The following MAP3K21 variants were observed in gnomAD, a reference collection of about 807,000 sequenced individuals.
The protein encoded by MAP3K21 is mitogen-activated protein kinase kinase kinase MLK4.
A neutral mutation model predicts 86.1 loss-of-function variants in MAP3K21; 63 were observed. The ratio of observed to expected loss-of-function variants is 0.73; its 90% CI spans 0.60 to 0.90. The LOEUF is 0.90. Among genes scored for constraint, MAP3K21 ranks in the 40% least tolerant of loss-of-function variants. The probability of loss-of-function intolerance (pLI) is 0.00; values close to 1 mark genes in which losing one functional copy is unlikely to be tolerated. For synonymous variants in MAP3K21, 558 were observed against 564.8 expected, an observed-to-expected ratio of 0.99 and a Z score of 0.17; for missense variants, 1,220 against 1,367.7, an observed-to-expected ratio of 0.89 and a Z score of 1.70.
At chr1:233,339,289 T>C (rs1278386534) in intron 1 of MAP3K21, among the ~76,000 whole-genome samples, 7 of 107,522 alleles carry the variant, frequency 6.5e-5, no homozygotes, top group East Asian at 3.6e-4. Flanking sequence ...CTTCTTCTTC[T>C]TCCTCTTCTT....
chr1:233,355,839 A>T (rs1313992559), intron 4 of MAP3K21, among the ~76,000 whole-genome samples: 1 of 152,054 alleles, frequency 6.6e-6, no homozygotes, highest in Admixed American at 6.6e-5. Flanking sequence ...CTGCTGGACC[A>T]TCCTTACTGG....
intron 1 of MAP3K21, among the ~76,000 whole-genome samples, chr1:233,332,821 T>A (rs1016202684): frequency 7.2e-6 from 1 of 138,166 alleles, no homozygotes; most frequent in Non-Finnish European, 1.5e-5. Context: ...TTTTTTGATG[T>A]TGCTTATTGT....
At position 233,372,155 on chromosome 1, in the gene MAP3K21, TAC is replaced by T; in HGVS notation, c.1672_1673del (p.Gln558ValfsTer5). 6.2e-7 allele frequency: 1 copy of T among 1,614,106 alleles called. No homozygotes were observed. Among genetic ancestry groups the T allele is most frequent in the Non-Finnish European group, 8.5e-7 (1 of 1,179,996 alleles). ...ACAATGATGCCCCGACTCCGAGCCA[TAC>T]AGTGTGAGCTTTCTGCACTGCCACG... On this transcript the variant is annotated frameshift_variant, in exon 6 of 10. Coordinates refer to ENST00000366624, the MANE Select transcript of MAP3K21 (RefSeq NM_032435.3). LOFTEE classifies it high-confidence loss of function.
Position 233,362,120 on chromosome 1 carries a change from T to C in MAP3K21, c.1379T>C (p.Leu460Pro), listed in dbSNP as rs1369982833. The stretch of plus-strand genomic sequence containing the variant: ...CAGCAGAAGTCTCAGGAGGAGCTGC[T>C]AAAGCGGCGTGAGCAGCAGCTGGCA... ...ALQQKSQEEL[L>P]KRREQQLAER... Residue 460 changes from leucine to proline, a missense_variant, in exon 5 of 10, where the codon CTA becomes CCA. Leu to Pro is a moderately conservative substitution (Grantham distance 98). This residue lies in a region of MAP3K21 where 126 missense variants were observed against 127.7 expected (regional missense o/e 0.99). Transcript: ENST00000366624. The C allele has an allele frequency of 6.2e-7, 1 of 1,614,042 alleles. No individual in the cohort carries two copies. Among genetic ancestry groups the C allele is most frequent in the East Asian group, 2.2e-5 (1 of 44,872 alleles).
Position 233,376,067 on chromosome 1 carries a change from G to T in MAP3K21, c.1826+1G>T. 1 of 1,599,524 alleles carries T rather than the reference G, an allele frequency of 6.3e-7. No individual in the cohort carries two copies. The highest frequency in any genetic ancestry group is 8.5e-7 in the Non-Finnish European group (1 of 1,176,478). On this transcript the variant is annotated splice_donor_variant, in intron 7 of 9. Coordinates refer to ENST00000366624, the MANE Select transcript of MAP3K21 (RefSeq NM_032435.3). LOFTEE classifies it high-confidence loss of function. ...AAGATAGAACAGATTGCAAAGAAAG[G>T]TACGTGTGTGGTATCTGGTGGTATT...
intron 1 of MAP3K21, among the ~76,000 whole-genome samples, chr1:233,330,596 G>A (rs935771941): frequency 1.3e-5 from 2 of 152,152 alleles, no homozygotes; most frequent in Non-Finnish European, 2.9e-5. Flanking sequence ...GACATCAACA[G>A]CACCATTCAT....
At chr1:233,340,516 C>T (rs1388894569) in intron 1 of MAP3K21, among the ~76,000 whole-genome samples, 1 of 151,340 alleles carries the variant, frequency 6.6e-6, no homozygotes, top group Non-Finnish European at 1.5e-5. Context: ...TGAGAAGGGA[C>T]GGAGGCCAAA....
In MAP3K21 at chr1:233,382,839, T is replaced by TA; in HGVS notation, c.*129dup. On this transcript the variant is annotated 3_prime_UTR_variant, in exon 10 of 10. Transcript: ENST00000366624. ...TGGCCATGTTCCTAAATTAGTAAGA[T>TA]ATATCCAGCTTCTCAAAAAATGTAT... 1.3e-6 allele frequency: 1 copy of TA among 756,318 alleles called. No individual in the cohort carries two copies. The highest frequency in any genetic ancestry group is 2.9e-5 in the Admixed American group (1 of 34,090). The allele number at this position is 756,318 out of a possible 1,614,324, so 46.9% of individuals were successfully genotyped here.
At position 233,379,256 on chromosome 1, in the gene MAP3K21, A is replaced by C; in HGVS notation, c.2250A>C (p.Glu750Asp). ...TTCATAAAGCACAGGCTGCTGAAGA[A>C]CCGTTGCCCAAGGAAGAGAAGAAGA... The part of the protein sequence containing the change: ...RELHKAQAAE[E>D]PLPKEEKKKR... Residue 750 changes from glutamate to aspartate, a missense_variant, in exon 9 of 10, where the codon GAA (glutamate) becomes GAC (aspartate). Physicochemically the swap from Glu to Asp is conservative, Grantham distance 45 (BLOSUM62 2). Coordinates refer to ENST00000366624, the MANE Select transcript of MAP3K21 (RefSeq NM_032435.3). 6.2e-7 allele frequency: 1 copy of C among 1,614,216 alleles called. No homozygotes were observed. The highest frequency in any genetic ancestry group is 8.5e-7 in the Non-Finnish European group (1 of 1,180,022).
At chr1:233,351,253 C>T (rs1663248054) in intron 2 of MAP3K21, among the ~76,000 whole-genome samples, 1 of 152,038 alleles carries the variant, frequency 6.6e-6, no homozygotes, top group South Asian at 2.1e-4. Flanking sequence ...ATGATTTTAA[C>T]TTTAGCTAAT....
intron 4 of MAP3K21, among the ~76,000 whole-genome samples, 158 bp from the exon 5 acceptor site, chr1:233,361,895 C>T (rs1663471356): frequency 6.6e-6 from 1 of 152,188 alleles, no homozygotes; most frequent in African/African-American, 2.4e-5. Context: ...CCCATGAGGA[C>T]CTGAGTGACC....
intron 6 of MAP3K21, among the ~76,000 whole-genome samples, chr1:233,375,401 C>T (rs1663773914): frequency 6.6e-6 from 1 of 152,086 alleles, no homozygotes; most frequent in African/African-American, 2.4e-5. Context: ...GCAACCGTAA[C>T]CAAAGTGTTG....
chr1:233,376,668 C>A, intron 8 of MAP3K21, 141 bp downstream of exon 8: 1 of 565,820 alleles, frequency 1.8e-6, no homozygotes, highest in Non-Finnish European at 3.1e-6. Context: ...TATAGCTTTA[C>A]TTAAATTCAG....
At chr1:233,369,390 C>CA (rs1462253141) in intron 5 of MAP3K21, among the ~76,000 whole-genome samples, 2 of 151,616 alleles carry the variant, frequency 1.3e-5, no homozygotes, top group African/African-American at 2.4e-5. Flanking sequence ...ACTCCATCTC[C>CA]AAAAAAAGAA....
intron 1 of MAP3K21, among the ~76,000 whole-genome samples, chr1:233,330,454 A>G (rs1357080109): frequency 6.6e-6 from 1 of 152,222 alleles, no homozygotes; most frequent in East Asian, 1.9e-4. Context: ...ATTTTTTTCA[A>G]TAAAAGAAAC....
chr1:233,329,513 G>T (rs1662772186), intron 1 of MAP3K21, among the ~76,000 whole-genome samples: 1 of 152,130 alleles, frequency 6.6e-6, no homozygotes, highest in Non-Finnish European at 1.5e-5. Context: ...AATTAGCCCG[G>T]CGTAGTGGCA....
chr1:233,345,809 AG>A (rs1233787772), intron 1 of MAP3K21, among the ~76,000 whole-genome samples: 1 of 152,016 alleles, frequency 6.6e-6, no homozygotes, highest in Non-Finnish European at 1.5e-5. Flanking sequence ...GCTCAGGGAC[AG>A]ATGCTGGCAT....
chr1:233,369,303 T>C (rs1205397418), intron 5 of MAP3K21, among the ~76,000 whole-genome samples: 1 of 150,888 alleles, frequency 6.6e-6, no homozygotes, highest in Non-Finnish European at 1.5e-5. Flanking sequence ...GGCAGGAGGA[T>C]TGCTTGAACC....
At chr1:233,337,421 CTAAG>C (rs1375633839) in intron 1 of MAP3K21, among the ~76,000 whole-genome samples, 1 of 152,190 alleles carries the variant, frequency 6.6e-6, no homozygotes, top group African/African-American at 2.4e-5. Flanking sequence ...AGAAACACTT[CTAAG>C]TGTTTTACAT....
Sources: gnomAD v4.1 joint callset for allele counts (sites outside exome capture counted in the v4.1 genomes callset) on GRCh38, gnomAD v4.1.1 for gene constraint, gnomAD v4.1.1 regional missense constraint, MANE v1.5 for transcripts, NCBI Gene and HGNC (gene_info 2026-07-23, HGNC 2026-07-21) for gene names.